The following SLCO1C1 variants were observed in gnomAD, a reference collection of about 807,000 sequenced individuals.
SLCO1C1 encodes solute carrier organic anion transporter family member 1C1, also known as OAT-RP-5.
In SLCO1C1, 70 loss-of-function variants were observed where a neutral mutation model predicts 76.4. That is an observed-to-expected ratio of 0.92 (90% CI 0.76 to 1.12). The LOEUF (loss-of-function observed/expected upper bound fraction) is 1.12, where lower values mean the gene tolerates loss of function less well. Among genes scored for constraint, SLCO1C1 ranks in the 50% most tolerant of loss-of-function variants. The pLI is 0.00. For missense variants in SLCO1C1, 912 were observed against 823.8 expected (o/e 1.11, Z -1.31); for synonymous variants, 306 against 286.1 (o/e 1.07, Z -0.70).
chr12:20,733,980 C>T (rs1021283355), intron 10 of SLCO1C1, among the ~76,000 whole-genome samples: 1 of 152,130 alleles, frequency 6.6e-6, no homozygotes, highest in Non-Finnish European at 1.5e-5. Flanking sequence ...AAAAAATTAT[C>T]GAGTCTCCAT....
chr12:20,717,526 T>G (rs1947421816), intron 7 of SLCO1C1, among the ~76,000 whole-genome samples: 2 of 151,852 alleles, frequency 1.3e-5, no homozygotes, highest in Non-Finnish European at 2.9e-5. Flanking sequence ...TGTAGCTACT[T>G]GTTGGCTCTT....
chr12:20,717,274 G>A (rs1233123747), intron 7 of SLCO1C1, 44 bp downstream of exon 7: 1 of 1,476,936 alleles, frequency 6.8e-7, no homozygotes, highest in African/African-American at 1.4e-5. Flanking sequence ...TTTAGTCACT[G>A]TAACATTTTT....
At chr12:20,727,152 T>C (rs1331219140) in intron 9 of SLCO1C1, among the ~76,000 whole-genome samples, 2 of 152,206 alleles carry the variant, frequency 1.3e-5, no homozygotes, top group Non-Finnish European at 2.9e-5. Context: ...AATAGAGCTG[T>C]GATGAACATA....
intron 9 of SLCO1C1, among the ~76,000 whole-genome samples, chr12:20,725,553 T>G (rs1182743540): frequency 6.8e-6 from 1 of 147,928 alleles, no homozygotes; most frequent in Non-Finnish European, 1.5e-5. Flanking sequence ...ACTATGCTCA[T>G]TTTTCATGGT....
At chr12:20,730,070 G>C (rs1269417999) in intron 9 of SLCO1C1, among the ~76,000 whole-genome samples, 1 of 152,104 alleles carries the variant, frequency 6.6e-6, no homozygotes, top group Non-Finnish European at 1.5e-5. Flanking sequence ...GTTACACCTT[G>C]TGTTATTACT....
chr12:20,696,098 G>A (rs557941468), intron 1 of SLCO1C1, among the ~76,000 whole-genome samples: 5 of 152,184 alleles, frequency 3.3e-5, no homozygotes, highest in Admixed American at 6.5e-5. Flanking sequence ...CTAATATTAC[G>A]TTTGTTGGGT....
intron 9 of SLCO1C1, among the ~76,000 whole-genome samples, chr12:20,728,636 A>C (rs771270058): frequency 1.7e-4 from 26 of 152,008 alleles, no homozygotes; most frequent in Non-Finnish European, 2.9e-4. Flanking sequence ...TATAACATGA[A>C]CTTTACTAGG....
At chr12:20,705,840 C>G in intron 3 of SLCO1C1, 109 bp from the exon 4 acceptor site, 2 of 1,074,130 alleles carry the variant, frequency 1.9e-6, no homozygotes, top group Non-Finnish European at 2.7e-6. Context: ...GCAGAGATGG[C>G]TTAGTTAAAA....
chr12:20,704,815 C>G (rs1946697867), intron 3 of SLCO1C1, among the ~76,000 whole-genome samples: 1 of 151,930 alleles, frequency 6.6e-6, no homozygotes, highest in Non-Finnish European at 1.5e-5. Flanking sequence ...CAATCAATTG[C>G]TGGGAAATTG....
rs914716854 is a variant in SLCO1C1, at chr12:20,721,839, G to T, written c.811G>T (p.Val271Leu). The change falls in exon 8 of 15, where the codon GTA becomes TTA. Residue 271 changes from valine to leucine, a missense_variant. Coordinates refer to ENST00000266509, the MANE Select transcript of SLCO1C1 (RefSeq NM_017435.5). ...ITITPKDPQWVGAWWLGYLIA... is the reference protein window; with the variant it reads ...ITITPKDPQWLGAWWLGYLIA... ...CATTACCCCAAAAGATCCCCAGTGG[G>T]TAGGAGCCTGGTGGCTTGGCTATCT... 1.2e-6 allele frequency: 2 copies of T among 1,614,142 alleles called. No homozygotes were observed. The highest frequency in any genetic ancestry group is 1.7e-6 in the Non-Finnish European group (2 of 1,180,016).
chr12:20,742,318 A>C (rs1260129767), intron 12 of SLCO1C1, among the ~76,000 whole-genome samples: 1 of 143,884 alleles, frequency 7.0e-6, no homozygotes, highest in African/African-American at 2.5e-5. Flanking sequence ...CCTTGGGTTG[A>C]AGAAGAAAAG....
chr12:20,751,576 G>T (rs1949310137), intron 14 of SLCO1C1, among the ~76,000 whole-genome samples: 1 of 152,110 alleles, frequency 6.6e-6, no homozygotes, highest in African/African-American at 2.4e-5. Context: ...TGCTATGCGT[G>T]AAATTTATTT....
At chr12:20,727,436 A>G (rs1948069699) in intron 9 of SLCO1C1, among the ~76,000 whole-genome samples, 1 of 152,002 alleles carries the variant, frequency 6.6e-6, no homozygotes, top group African/African-American at 2.4e-5. Context: ...TTTTATTTGC[A>G]TTTCTGTGAT....
At chr12:20,735,420 G>A (rs1351279804) in intron 10 of SLCO1C1, among the ~76,000 whole-genome samples, 2 of 152,136 alleles carry the variant, frequency 1.3e-5, no homozygotes, top group Admixed American at 6.5e-5. Flanking sequence ...CCAAGTAAGA[G>A]GTTGGCATAG....
intron 13 of SLCO1C1, among the ~76,000 whole-genome samples, chr12:20,749,494 G>C (rs11045437): frequency 0.46 from 69,615 of 151,950 alleles, 17,820 homozygotes; most frequent in South Asian, 0.63. Context: ...AATCTCCTAG[G>C]TTTCAGCTAT....
chr12:20,705,861 C>T, intron 3 of SLCO1C1, 88 bp from the exon 4 acceptor site: 7 of 1,297,564 alleles, frequency 5.4e-6, no homozygotes, highest in South Asian at 2.9e-5. Flanking sequence ...GAAAACATTG[C>T]TTGGTCTGCT....
intron 9 of SLCO1C1, among the ~76,000 whole-genome samples, chr12:20,730,557 T>C (rs1395229330): frequency 1.3e-5 from 2 of 152,188 alleles, no homozygotes; most frequent in Admixed American, 1.3e-4. Flanking sequence ...TGCCTCTAAG[T>C]TGACTTTTGG....
chr12:20,738,777 T>C (rs1385402994), intron 11 of SLCO1C1, among the ~76,000 whole-genome samples: 1 of 152,152 alleles, frequency 6.6e-6, no homozygotes, highest in East Asian at 1.9e-4. Context: ...TTAAATCTCA[T>C]GGTCCTGAAA....
At chr12:20,702,425 A>G (rs1946568555) in intron 3 of SLCO1C1, among the ~76,000 whole-genome samples, 1 of 151,962 alleles carries the variant, frequency 6.6e-6, no homozygotes, top group African/African-American at 2.4e-5. Context: ...CCAGAATGAC[A>G]TTTCTTAGTG....
Sources: allele counts gnomAD v4.1 joint callset (sites outside exome capture counted in the v4.1 genomes callset), GRCh38; gene constraint gnomAD v4.1.1; transcripts MANE v1.5; gene names NCBI Gene and HGNC (gene_info 2026-07-23, HGNC 2026-07-21).